TGFB2: variants seen among roughly 807,000 people sequenced by gnomAD.
TGFB2 encodes transforming growth factor beta 2.
In TGFB2, 13 loss-of-function variants were observed where a neutral mutation model predicts 42.7. The observed-to-expected ratio is 0.30, with a 90% CI of 0.20 to 0.48. The LOEUF is 0.48. Among genes scored for constraint, TGFB2 ranks in the 20% least tolerant of loss-of-function variants. The probability of loss-of-function intolerance (pLI) is 0.99; values close to 1 mark genes in which losing one functional copy is unlikely to be tolerated. For missense variants in TGFB2, 390 were observed against 517.5 expected, an observed-to-expected ratio of 0.75 and a Z score of 2.39; for synonymous variants, 193 against 193.6, an observed-to-expected ratio of 1.00 and a Z score of 0.03.
intron 6 of TGFB2, among the ~76,000 whole-genome samples, chr1:218,438,117 C>A (rs1660030292): frequency 6.6e-6 from 1 of 152,186 alleles, no homozygotes. Context: ...TATTAATCAA[C>A]TTCTCTTCAC....
At chr1:218,439,461 TA>T (rs10482835) in intron 6 of TGFB2, among the ~76,000 whole-genome samples, 1 of 152,214 alleles carries the variant, frequency 6.6e-6, no homozygotes, top group Non-Finnish European at 1.5e-5. Context: ...ATCTGTATTA[TA>T]AAAATTCCTC....
intron 6 of TGFB2, among the ~76,000 whole-genome samples, chr1:218,438,400 C>T (rs960181888): frequency 6.6e-6 from 1 of 152,152 alleles, no homozygotes; most frequent in Non-Finnish European, 1.5e-5. Context: ...AGTAAATACA[C>T]TATCAATTTA....
chr1:218,394,131 G>A (rs936696604), intron 1 of TGFB2, among the ~76,000 whole-genome samples: 4 of 151,992 alleles, frequency 2.6e-5, no homozygotes, highest in East Asian at 3.9e-4. Flanking sequence ...GGATGGTCTC[G>A]ATCTCCTGAC....
At chr1:218,431,202 T>C (rs997292314) in intron 2 of TGFB2, among the ~76,000 whole-genome samples, 3 of 152,170 alleles carry the variant, frequency 2.0e-5, no homozygotes, top group African/African-American at 7.2e-5. Flanking sequence ...CAGAGGACCT[T>C]TCACCCAAGT....
chr1:218,400,401 G>A (rs1316477193), intron 1 of TGFB2, among the ~76,000 whole-genome samples: 1 of 151,966 alleles, frequency 6.6e-6, no homozygotes, highest in Admixed American at 6.6e-5. Context: ...GACTTTCATG[G>A]GGACCTGAGA....
chr1:218,440,183 G>A (rs1660107140), intron 6 of TGFB2, among the ~76,000 whole-genome samples: 3 of 152,082 alleles, frequency 2.0e-5, no homozygotes, highest in South Asian at 2.1e-4. Flanking sequence ...ACCATTTACC[G>A]CATAGGTTAG....
intron 2 of TGFB2, among the ~76,000 whole-genome samples, chr1:218,418,222 A>G (rs1659343786): frequency 6.6e-6 from 1 of 152,262 alleles, no homozygotes; most frequent in African/African-American, 2.4e-5. Context: ...CCATGGGGGC[A>G]GAGCTGCCCA....
intron 1 of TGFB2, among the ~76,000 whole-genome samples, chr1:218,381,034 G>A (rs959888097): frequency 2.0e-5 from 3 of 152,084 alleles, no homozygotes; most frequent in Admixed American, 6.6e-5. Context: ...CTGTTCCAAG[G>A]TCTCTTTGTT....
intron 2 of TGFB2, among the ~76,000 whole-genome samples, chr1:218,412,300 G>A (rs757389174): frequency 3.9e-5 from 6 of 152,234 alleles, no homozygotes; most frequent in Non-Finnish European, 7.3e-5. Flanking sequence ...GTGAGAATTT[G>A]CAGGCAACTT....
At chr1:218,412,121 A>G (rs1410759369) in intron 2 of TGFB2, among the ~76,000 whole-genome samples, 1 of 152,220 alleles carries the variant, frequency 6.6e-6, no homozygotes, top group Non-Finnish European at 1.5e-5. Flanking sequence ...GGTGCCAGCC[A>G]TCTGGAGATA....
In TGFB2 at chr1:218,441,588, A is replaced by G. The variant is rs1218261548; in HGVS notation, c.*226A>G. ...AGTTGAAGGCCTTATTCTACATTTC[A>G]CCTACTTTGTAAGTGAGAGAGACAA... On this transcript the variant is annotated 3_prime_UTR_variant, in exon 7 of 7. Transcript: ENST00000366930. 5.4e-6 allele frequency: 2 copies of G among 373,300 alleles called. No individual in the cohort carries two copies. Among genetic ancestry groups the G allele is most frequent in the Non-Finnish European group, 4.7e-6 (1 of 212,742 alleles). 23.1% of individuals were successfully genotyped at this position (373,300 alleles called of 1,614,324 possible).
chr1:218,435,457 A>G (rs1659940625), intron 4 of TGFB2, among the ~76,000 whole-genome samples: 2 of 152,224 alleles, frequency 1.3e-5, no homozygotes, highest in Non-Finnish European at 2.9e-5. Flanking sequence ...CCAAAATAGC[A>G]TTAGGTAAGG....
chr1:218,355,438 A>G (rs1657001832), intron 1 of TGFB2, among the ~76,000 whole-genome samples: 1 of 152,194 alleles, frequency 6.6e-6, no homozygotes, highest in Non-Finnish European at 1.5e-5. Context: ...AAGACAAGAA[A>G]TCCTACTCCA....
Position 218,397,224 on chromosome 1 carries a change from C to T in TGFB2, c.347-7945C>T, listed in dbSNP as rs1571867935. ...CGGAGGTTGCAGTGAGCTGAGATTGCGCCATTACACTCCAGCCTGGGCCAC... is the reference window on the plus strand; with the variant it reads ...CGGAGGTTGCAGTGAGCTGAGATTGTGCCATTACACTCCAGCCTGGGCCAC... On this transcript the variant is annotated intron_variant, in intron 1 of 6. Transcript: ENST00000366930. Among the ~76,000 whole-genome samples the T allele has an allele frequency of 2.7e-5, 4 of 147,556 alleles. No individual in the cohort carries two copies. In the Admixed American group the frequency reaches 2.8e-4, roughly 10 times the overall value.
At chr1:218,364,162 C>A (rs1657309408) in intron 1 of TGFB2, among the ~76,000 whole-genome samples, 1 of 152,172 alleles carries the variant, frequency 6.6e-6, no homozygotes, top group African/African-American at 2.4e-5. Flanking sequence ...TATTTGTGAC[C>A]TTTGTATTGA....
rs1396430039 is a variant in TGFB2, at chr1:218,346,404, T to C, written c.-298T>C. ...CTTAATAGCCACTCGTCTCTTTTTTTCCCCATCTCATTGCTCCAAGAATTT... is the reference window on the plus strand; with the variant it reads ...CTTAATAGCCACTCGTCTCTTTTTTCCCCCATCTCATTGCTCCAAGAATTT... On this transcript the variant is annotated 5_prime_UTR_variant, in exon 1 of 7. Transcript: ENST00000366930. This position sits in a 1 kb window ranked among gnomAD's most constrained non-coding sequence, Gnocchi z 4.9. 1.3e-5 allele frequency: 4 copies of C among 317,122 alleles called. No individual in the cohort carries two copies. The highest frequency in any genetic ancestry group is 2.3e-5 in the Non-Finnish European group (4 of 176,680). The allele number at this position is 317,122 out of a possible 1,614,324, so 19.6% of individuals were successfully genotyped here. A position where few individuals can be genotyped will look rare whatever the true frequency, so the allele number is the denominator to read the frequency against.
chr1:218,369,256 GAAAAAAAAAAAAAAAAAA>G lies in TGFB2; in HGVS notation c.346+22229_346+22246del, dbSNP rs34825461. Among the ~76,000 whole-genome samples the G allele has an allele frequency of 3.0e-3, 108 of 35,662 alleles. No homozygotes were observed. In the East Asian group the frequency reaches 0.064, roughly 21 times the overall value. 23.4% of individuals were successfully genotyped at this position (35,662 alleles called of 152,430 possible). On this transcript the variant is annotated intron_variant, in intron 1 of 6. Coordinates refer to ENST00000366930, the MANE Select transcript of TGFB2 (RefSeq NM_003238.6). ...GGCAACAAAGCAAGATTCCGTCTCA[GAAAAAAAAAAAAAAAAAA>G]AAAAAAAAAAAAAAAAAAATGGTAT...
rs188043282 is a variant in TGFB2, at chr1:218,377,057, C to T, written c.347-28112C>T. On this transcript the variant is annotated intron_variant, in intron 1 of 6. Coordinates refer to ENST00000366930, the MANE Select transcript of TGFB2 (RefSeq NM_003238.6). ...CTACAGATGATGCCACCACACCTGG[C>T]TAATTTAAAAAAAAAAATTTTTATA... 4.6e-5 allele frequency among the ~76,000 whole-genome samples: 7 copies of T among 151,630 alleles called. No homozygotes were observed. The East Asian group carries it at 1.4e-3, about 30-fold the overall frequency.
At chr1:218,428,139 G>A (rs1262280038) in intron 2 of TGFB2, among the ~76,000 whole-genome samples, 1 of 152,214 alleles carries the variant, frequency 6.6e-6, no homozygotes, top group Non-Finnish European at 1.5e-5. Flanking sequence ...CTTCTTTTGA[G>A]AAGTGTCTGT....
Sources: gnomAD v4.1 joint callset for allele counts (sites outside exome capture counted in the v4.1 genomes callset) on GRCh38, gnomAD v4.1.1 for gene constraint, Gnocchi (gnomAD v3.1) non-coding constraint, MANE v1.5 for transcripts, NCBI Gene and HGNC (gene_info 2026-07-23, HGNC 2026-07-21) for gene names.